The following PODXL2 variants were observed in gnomAD, a reference collection of about 807,000 sequenced individuals.
PODXL2 encodes podocalyxin like 2.
Under a neutral mutation model 53.4 loss-of-function variants are expected in PODXL2, and 17 were observed. That is an observed-to-expected ratio of 0.32 (90% CI 0.22 to 0.48). The LOEUF (loss-of-function observed/expected upper bound fraction) is 0.48. Among genes scored for constraint, PODXL2 ranks in the 20% least tolerant of loss-of-function variants. The pLI is 0.99. For missense variants in PODXL2, 673 were observed against 760.0 expected (o/e 0.89, Z 1.35); for synonymous variants, 311 against 306.7 (o/e 1.01, Z -0.15).
At chr3:127,641,599 C>T (rs771552868) in intron 2 of PODXL2, among the ~76,000 whole-genome samples, 9 of 151,950 alleles carry the variant, frequency 5.9e-5, no homozygotes, top group African/African-American at 1.7e-4. Context: ...CCACAACCTC[C>T]GCCTCCCAGG....
At chr3:127,639,888 A>C (rs909521963) in intron 2 of PODXL2, among the ~76,000 whole-genome samples, 1 of 152,264 alleles carries the variant, frequency 6.6e-6, no homozygotes, top group African/African-American at 2.4e-5. Context: ...ATGCTCAGTC[A>C]TGATTCAGAC....
At chr3:127,632,483 A>G (rs186147278) in intron 1 of PODXL2, among the ~76,000 whole-genome samples, 130 of 152,394 alleles carry the variant, frequency 8.5e-4, no homozygotes, top group Middle Eastern at 6.8e-3. Flanking sequence ...GCATGCAGAT[A>G]CAGATCTCCA....
At chr3:127,671,651 G>C (rs930115966) in intron 7 of PODXL2, 38 bp downstream of exon 7, 1 of 1,590,856 alleles carries the variant, frequency 6.3e-7, no homozygotes, top group African/African-American at 1.3e-5. Context: ...GGCCAGTTGA[G>C]AGGAGAGTGC....
intron 2 of PODXL2, among the ~76,000 whole-genome samples, chr3:127,650,989 G>A (rs1410090401): frequency 1.3e-5 from 2 of 152,192 alleles, no homozygotes; most frequent in Admixed American, 1.3e-4. Flanking sequence ...GTGAGGCTGG[G>A]TGCGATGGCT....
rs777386987 is a variant in PODXL2, at chr3:127,668,573, C to T, written c.1339C>T (p.Leu447Phe). ...GCCCAGCGAGAAGGAGCAGCACCTT[C>T]TCATGACACTGGTGGGCGAGCAGGG... ...SKPSEKEQHL[L>F]MTLVGEQGVV... is the part of the protein sequence containing the mutation. Residue 447 changes from leucine to phenylalanine, a missense_variant, in exon 5 of 8, where the codon CTC (leucine) becomes TTC (phenylalanine). Leu to Phe is a conservative substitution (Grantham distance 22). Coordinates refer to ENST00000342480, the MANE Select transcript of PODXL2 (RefSeq NM_015720.4). 3 of 1,556,870 alleles carry T rather than the reference C, an allele frequency of 1.9e-6. No individual in the cohort carries two copies. In the South Asian group the frequency reaches 3.7e-5, roughly 19 times the overall value.
Position 127,671,503 on chromosome 3 carries a change from G to A in PODXL2, c.1495G>A (p.Gly499Ser), listed in dbSNP as rs146794164. Reference sequence around the variant, plus strand: ...GGCCAGCCAGGTGCGCAGCGACTACGGCACGCTCTTCGTGGTGCTGGTGGT... The same window carrying A: ...GGCCAGCCAGGTGCGCAGCGACTACAGCACGCTCTTCGTGGTGCTGGTGGT... The part of the protein sequence containing the change: ...ARASQVRSDY[G>S]TLFVVLVVIG... The change falls in exon 7 of 8, where the codon GGC becomes AGC. Residue 499 changes from glycine to serine, a missense_variant. Transcript: ENST00000342480. The A allele has an allele frequency of 4.3e-6, 7 of 1,614,028 alleles. No homozygotes were observed. The highest frequency in any genetic ancestry group is 1.7e-5 in the Admixed American group (1 of 60,002).
intron 2 of PODXL2, among the ~76,000 whole-genome samples, chr3:127,646,024 C>T (rs1469344501): frequency 1.3e-5 from 2 of 152,318 alleles, no homozygotes; most frequent in East Asian, 3.9e-4. Context: ...GCAGCAGTAG[C>T]AGGGACTGCT....
chr3:127,630,409 TGTGTGTATGTGCATGTAGGA>T (rs913677225), intron 1 of PODXL2, among the ~76,000 whole-genome samples: 5 of 152,196 alleles, frequency 3.3e-5, no homozygotes, highest in Admixed American at 6.5e-5. Flanking sequence ...CCTAGTATGA[TGTGTGTATGTGCATGTAGGA>T]GTGTGTATGT....
chr3:127,669,132 A>AC lies in PODXL2; in HGVS notation c.1364-3dup, dbSNP rs764449398. 105 of 1,593,820 alleles carry AC rather than the reference A, an allele frequency of 6.6e-5. No homozygotes were observed. The highest frequency in any genetic ancestry group is 8.6e-5 in the Non-Finnish European group (101 of 1,169,816). On this transcript the variant is annotated splice_polypyrimidine_tract_variant and intron_variant, in intron 5 of 7. Coordinates refer to ENST00000342480, the MANE Select transcript of PODXL2 (RefSeq NM_015720.4). ...GGTCACACTGATAGTGGTGTTTCTT[A>AC]CCCCCCAGGGGTGGTGCCCACTCAA...
At chr3:127,661,289 A>C (rs899755136) in intron 3 of PODXL2, 130 bp downstream of exon 3, 14 of 659,572 alleles carry the variant, frequency 2.1e-5, no homozygotes, top group East Asian at 8.2e-5. Context: ...AGCACGTAGA[A>C]CCCCATGGAA....
At chr3:127,640,360 A>C (rs1016562129) in intron 2 of PODXL2, among the ~76,000 whole-genome samples, 2 of 152,368 alleles carry the variant, frequency 1.3e-5, no homozygotes, top group Admixed American at 6.5e-5. Context: ...ATTATAAAAG[A>C]ACACATGAAC....
chr3:127,641,594 A>G (rs948925838), intron 2 of PODXL2, among the ~76,000 whole-genome samples: 2 of 151,370 alleles, frequency 1.3e-5, no homozygotes, highest in Non-Finnish European at 1.5e-5. Context: ...GCTCACCACA[A>G]CCTCCGCCTC....
At chr3:127,670,084 C>T (rs915957483) in intron 6 of PODXL2, among the ~76,000 whole-genome samples, 34 of 152,262 alleles carry the variant, frequency 2.2e-4, no homozygotes, top group African/African-American at 7.9e-4. Flanking sequence ...GGTGGTGGTG[C>T]TTTTCTGGTG....
chr3:127,643,601 CTTCTA>C (rs1430053323), intron 2 of PODXL2, among the ~76,000 whole-genome samples: 1 of 151,698 alleles, frequency 6.6e-6, no homozygotes, highest in African/African-American at 2.4e-5. Flanking sequence ...ACCTTTCTTC[CTTCTA>C]TTCTTTTTTT....
chr3:127,659,445 C>T (rs556985142), intron 2 of PODXL2, among the ~76,000 whole-genome samples: 9 of 152,196 alleles, frequency 5.9e-5, no homozygotes, highest in Admixed American at 6.5e-5. Flanking sequence ...ACCTTTAGTT[C>T]GCTATCTTAA....
intron 2 of PODXL2, among the ~76,000 whole-genome samples, chr3:127,646,136 G>A (rs1305931575): frequency 1.3e-5 from 2 of 152,156 alleles, no homozygotes; most frequent in Non-Finnish European, 2.9e-5. Flanking sequence ...AGGGGTTGTG[G>A]GTTCTCATTT....
rs2074838390 is a variant in PODXL2, at chr3:127,671,518, G to T, written c.1510G>T (p.Val504Leu). The change falls in exon 7 of 8, where the codon GTG (valine) becomes TTG (leucine). Residue 504 changes from valine (V) to leucine (L), a missense_variant. Val to Leu is a conservative substitution (Grantham distance 32, BLOSUM62 1). Around this residue, in one of 3 missense-constraint regions of PODXL2, gnomAD observed 588 missense variants for 668.3 expected, o/e 0.88. Coordinates refer to ENST00000342480, the MANE Select transcript of PODXL2 (RefSeq NM_015720.4). ...CAGCGACTACGGCACGCTCTTCGTG[G>T]TGCTGGTGGTCATTGGGGCCATCTG... ...VRSDYGTLFV[V>L]LVVIGAICII... The T allele has an allele frequency of 6.2e-7, 1 of 1,614,174 alleles. No individual in the cohort carries two copies. The highest frequency in any genetic ancestry group is 1.3e-5 in the African/African-American group (1 of 75,060).
At chr3:127,668,322 C>T in intron 4 of PODXL2, 119 bp from the exon 5 acceptor site, 2 of 902,200 alleles carry the variant, frequency 2.2e-6, no homozygotes, top group South Asian at 7.0e-5. Flanking sequence ...TTGACCAGAG[C>T]TGCCTCTCTT....
intron 1 of PODXL2, among the ~76,000 whole-genome samples, chr3:127,632,151 C>T (rs987664310): frequency 2.0e-5 from 3 of 152,182 alleles, no homozygotes; most frequent in South Asian, 4.1e-4. Flanking sequence ...TGTTTTATCC[C>T]CCAGAGTGGG....
Sources: allele counts gnomAD v4.1 joint callset (sites outside exome capture counted in the v4.1 genomes callset), GRCh38; gene constraint gnomAD v4.1.1; regional missense constraint gnomAD v4.1.1; transcripts MANE v1.5; gene names NCBI Gene and HGNC (gene_info 2026-07-23, HGNC 2026-07-21).